CCDC180: variants seen among roughly 807,000 people sequenced by gnomAD.
CCDC180 encodes coiled-coil domain-containing protein 180.
In CCDC180, 154 loss-of-function variants were observed where a neutral mutation model predicts 209.2. The observed-to-expected ratio is 0.74, with a 90% CI of 0.65 to 0.84. The LOEUF (loss-of-function observed/expected upper bound fraction) is 0.84, where lower values mean the gene tolerates loss of function less well. Ranked by LOEUF, CCDC180 falls within the 40% of genes least tolerant of loss-of-function variation. The pLI is 0.00. For missense variants in CCDC180, 1,874 were observed against 1,997.3 expected (o/e 0.94, Z 1.18); for synonymous variants, 778 against 749.1 (o/e 1.04, Z -0.63).
At chr9:97,370,215 T>C (rs1436979003) in intron 32 of CCDC180, 133 bp downstream of exon 32, 4 of 968,168 alleles carry the variant, frequency 4.1e-6, no homozygotes, top group Non-Finnish European at 6.0e-6. Flanking sequence ...GGATGGGGGC[T>C]GAGGGACAGG....
Position 97,354,714 on chromosome 9 carries a change from G to T in CCDC180, c.3147+1G>T, listed in dbSNP as rs1165139981. On this transcript the variant is annotated splice_donor_variant, in intron 23 of 36. Transcript: ENST00000529487. LOFTEE classifies it high-confidence loss of function. ...GTTGGAGAATGAGTACCTGGACCAG[G>T]TAGGGCCCCCAGCCAGGCCCCAGGC... 1.2e-6 allele frequency: 2 copies of T among 1,614,080 alleles called. No homozygotes were observed. Among genetic ancestry groups the T allele is most frequent in the African/African-American group, 2.7e-5 (2 of 74,924 alleles).
chr9:97,330,066 CAAAAAAAA>C, intron 16 of CCDC180, 80 bp from the exon 17 acceptor site: 49 of 578,932 alleles, frequency 8.5e-5, no homozygotes, highest in Middle Eastern at 5.0e-4. Context: ...AGACTCCTCT[CAAAAAAAA>C]AAAAAAAAAA....
Position 97,358,362 on chromosome 9 carries a change from C to T in CCDC180, c.3363+637C>T, listed in dbSNP as rs191239571. On this transcript the variant is annotated intron_variant, in intron 25 of 36. Transcript: ENST00000529487. Reference sequence around the variant, plus strand: ...TCTCAAAACTCCTGACCTCAAGTGACCCGCCCACATCAGCCTCCCAAAGTG... The same window carrying T: ...TCTCAAAACTCCTGACCTCAAGTGATCCGCCCACATCAGCCTCCCAAAGTG... 2.0e-5 allele frequency among the ~76,000 whole-genome samples: 3 copies of T among 152,188 alleles called. No homozygotes were observed. The East Asian group carries it at 5.8e-4, about 30-fold the overall frequency.
intron 36 of CCDC180, 100 bp from the exon 37 acceptor site, chr9:97,376,663 T>C: frequency 7.8e-7 from 1 of 1,287,744 alleles, no homozygotes; most frequent in Non-Finnish European, 1.1e-6. Context: ...GTGCCTGGAA[T>C]GGGTTAAAAA....
chr9:97,309,609 G>C lies in CCDC180; in HGVS notation c.260+5G>C. ...GGAAAACCCTGTTCTCCACAGGTAG[G>C]TCCTGTTGTCCATGCCTCACCCCCA... On this transcript the variant is annotated splice_donor_5th_base_variant and intron_variant, in intron 3 of 36. Coordinates refer to ENST00000529487, the MANE Select transcript of CCDC180 (RefSeq NM_020893.6). 4 of 1,554,350 alleles carry C rather than the reference G, an allele frequency of 2.6e-6. No individual in the cohort carries two copies. The highest frequency in any genetic ancestry group is 3.5e-6 in the Non-Finnish European group (4 of 1,154,198).
In CCDC180 at chr9:97,325,452, T is replaced by C. The variant is rs753633672; in HGVS notation, c.1545+260T>C. Among the ~76,000 whole-genome samples the C allele has an allele frequency of 3.3e-5, 5 of 152,236 alleles. No homozygotes were observed. In the South Asian group the frequency reaches 1.0e-3, roughly 32 times the overall value. ...ATGGTATCACGAATCACACACTTTA[T>C]TGCCATTGAAAGAGAATTTTTTCAT... On this transcript the variant is annotated intron_variant, in intron 14 of 36. Transcript: ENST00000529487.
At position 97,370,097 on chromosome 9, in the gene CCDC180, A is replaced by C. The variant is rs1198019518; in HGVS notation, c.4350+15A>C. On this transcript the variant is annotated intron_variant, in intron 32 of 36. Transcript: ENST00000529487. ...AGAAAAGAAAGGTGAGGGCCCCAGGACCAGCCCTTCCACTCTAGGACCAGG... is the reference window on the plus strand; with the variant it reads ...AGAAAAGAAAGGTGAGGGCCCCAGGCCCAGCCCTTCCACTCTAGGACCAGG... The C allele has an allele frequency of 6.2e-7, 1 of 1,611,808 alleles. No individual in the cohort carries two copies.
chr9:97,320,562 G>A (rs995481996), intron 11 of CCDC180, among the ~76,000 whole-genome samples: 1 of 152,186 alleles, frequency 6.6e-6, no homozygotes, highest in Non-Finnish European at 1.5e-5. Flanking sequence ...CAGGCTGTGT[G>A]ACCTTGGGAA....
intron 17 of CCDC180, 57 bp from the exon 18 acceptor site, chr9:97,330,265 A>G (rs1296110814): frequency 6.2e-7 from 1 of 1,611,504 alleles, no homozygotes; most frequent in African/African-American, 1.3e-5. Context: ...GGGAGGCCCA[A>G]TCCAGGCAGC....
intron 12 of CCDC180, among the ~76,000 whole-genome samples, chr9:97,323,286 C>G (rs927606940): frequency 6.6e-6 from 1 of 152,152 alleles, no homozygotes; most frequent in Non-Finnish European, 1.5e-5. Flanking sequence ...CTGTCGTACA[C>G]AGCACTGGGC....
rs1402230317 is a variant in CCDC180, at chr9:97,376,870, C to G, written c.4950C>G (p.His1650Gln). 1.9e-6 allele frequency: 3 copies of G among 1,612,576 alleles called. No homozygotes were observed. Among genetic ancestry groups the G allele is most frequent in the Non-Finnish European group, 2.5e-6 (3 of 1,179,914 alleles). The change falls in exon 37 of 37, where the codon CAC (histidine) becomes CAG (glutamine). Residue 1650 changes from histidine to glutamine, a missense_variant. Physicochemically the swap from His to Gln is conservative, Grantham distance 24. Transcript: ENST00000529487. ...RWKDSWKQSL[H>Q]TIQGLYV The stretch of plus-strand genomic sequence containing the variant: ...AGGACAGCTGGAAGCAGTCCCTGCA[C>G]ACTATCCAAGGCCTGTATGTGTGAC...
intron 8 of CCDC180, 132 bp downstream of exon 8, chr9:97,315,078 C>T (rs1833120967): frequency 6.2e-6 from 4 of 645,388 alleles, no homozygotes; most frequent in Non-Finnish European, 1.1e-5. Context: ...CTAAGGGGCT[C>T]AGGTGGGCCT....
At chr9:97,330,115 A>C in intron 16 of CCDC180, 39 bp from the exon 17 acceptor site, 1 of 1,436,298 alleles carries the variant, frequency 7.0e-7, no homozygotes, top group Non-Finnish European at 9.7e-7. Context: ...GAAGAAAGGC[A>C]GTGCAGGTCC....
intron 9 of CCDC180, among the ~76,000 whole-genome samples, chr9:97,317,911 A>G (rs1004741020): frequency 2.0e-5 from 3 of 152,202 alleles, no homozygotes; most frequent in Non-Finnish European, 4.4e-5. Context: ...GAAAGTGCCT[A>G]TCTGGGCCTG....
At chr9:97,323,261 T>A (rs1306909909) in intron 12 of CCDC180, among the ~76,000 whole-genome samples, 2 of 152,108 alleles carry the variant, frequency 1.3e-5, no homozygotes, top group South Asian at 2.1e-4. Flanking sequence ...CACCTCAGAC[T>A]TCACCCTTGA....
intron 18 of CCDC180, among the ~76,000 whole-genome samples, chr9:97,340,669 C>T (rs182419260): frequency 0.012 from 1,759 of 152,302 alleles, 29 homozygotes; most frequent in Admixed American, 0.05. Context: ...GACAGGGCCA[C>T]CAGAAGGGCT....
Position 97,323,839 on chromosome 9 carries a change from A to T in CCDC180, c.1307A>T (p.Gln436Leu), listed in dbSNP as rs1458135934. 2 of 1,556,250 alleles carry T rather than the reference A, an allele frequency of 1.3e-6. No individual in the cohort carries two copies. Among genetic ancestry groups the T allele is most frequent in the Non-Finnish European group, 1.7e-6 (2 of 1,149,448 alleles). Reference sequence around the variant, plus strand: ...GAGGAGGCAGAGACCCTGGTGAACCAGTTCTTCTTCCAGATGGTGGGAGCA... The same window carrying T: ...GAGGAGGCAGAGACCCTGGTGAACCTGTTCTTCTTCCAGATGGTGGGAGCA... ...TEEEAETLVN[Q>L]FFFQMVGALQ... Residue 436 changes from glutamine (Q) to leucine (L), a missense_variant, in exon 13 of 37, where the codon CAG (glutamine) becomes CTG (leucine). Transcript: ENST00000529487.
rs1826937792 is a variant in CCDC180, at chr9:97,366,832, C to A, written c.4189+132C>A. The stretch of plus-strand genomic sequence containing the variant: ...GAAGAGCTTCCCTGTGAAAAGCTGA[C>A]CTCTTAAAATTAGGTAAAAACAATA... On this transcript the variant is annotated intron_variant, in intron 31 of 36. Coordinates refer to ENST00000529487, the MANE Select transcript of CCDC180 (RefSeq NM_020893.6). This position sits in a 1 kb window ranked among gnomAD's most constrained non-coding sequence, Gnocchi z 4.3. 7.6e-6 allele frequency: 7 copies of A among 918,572 alleles called. No individual in the cohort carries two copies. Among genetic ancestry groups the A allele is most frequent in the South Asian group, 7.5e-5 (3 of 39,860 alleles). 56.9% of individuals were successfully genotyped at this position (918,572 alleles called of 1,614,324 possible).
intron 18 of CCDC180, among the ~76,000 whole-genome samples, chr9:97,339,547 C>T (rs1462225207): frequency 6.6e-6 from 1 of 152,196 alleles, no homozygotes; most frequent in Non-Finnish European, 1.5e-5. Context: ...TGATGGGCTT[C>T]CCTTTGTGGG....
Sources: allele counts gnomAD v4.1 joint callset (sites outside exome capture counted in the v4.1 genomes callset), GRCh38; gene constraint gnomAD v4.1.1; non-coding constraint Gnocchi (gnomAD v3.1); transcripts MANE v1.5; gene names NCBI Gene and HGNC (gene_info 2026-07-23, HGNC 2026-07-21).